Variants in MARCHF11 observed in about 807,000 individuals in gnomAD.
MARCHF11 encodes the protein membrane associated ring-CH-type finger 11.
MARCHF11 carries 29 observed loss-of-function variants against 37.3 expected under a neutral mutation model. The ratio of observed to expected loss-of-function variants is 0.78; its 90% CI spans 0.58 to 1.06. MARCHF11 has a LOEUF of 1.06. Ranked by LOEUF, MARCHF11 falls within the 50% of genes least tolerant of loss-of-function variation. The pLI is 0.00. For synonymous variants in MARCHF11, 233 were observed against 228.0 expected (o/e 1.02, Z -0.20); for missense variants, 482 against 533.4 (o/e 0.90, Z 0.95).
intron 3 of MARCHF11, among the ~76,000 whole-genome samples, chr5:16,090,090 T>C (rs1736767273): frequency 6.6e-6 from 1 of 152,134 alleles, no homozygotes; most frequent in Non-Finnish European, 1.5e-5. Context: ...AGCCTGTGCA[T>C]TTCTGCCACA....
At chr5:16,163,718 T>C (rs1394100640) in intron 2 of MARCHF11, among the ~76,000 whole-genome samples, 1 of 152,080 alleles carries the variant, frequency 6.6e-6, no homozygotes. Flanking sequence ...TAGAGTGCTA[T>C]GATTTGAATG....
intron 3 of MARCHF11, among the ~76,000 whole-genome samples, chr5:16,087,276 C>T (rs1736715564): frequency 6.6e-6 from 1 of 152,208 alleles, no homozygotes; most frequent in African/African-American, 2.4e-5. Context: ...TCAAACATGT[C>T]TCTCCTTTAT....
chr5:16,151,980 T>G (rs555994712), intron 2 of MARCHF11, among the ~76,000 whole-genome samples: 6 of 152,092 alleles, frequency 3.9e-5, no homozygotes, highest in African/African-American at 1.4e-4. Flanking sequence ...CTTTCCTAAT[T>G]TGGTTAGCTA....
chr5:16,085,230 A>T (rs1160250835), intron 3 of MARCHF11, among the ~76,000 whole-genome samples: 1 of 151,814 alleles, frequency 6.6e-6, no homozygotes, highest in Non-Finnish European at 1.5e-5. Flanking sequence ...TGATCCAAAA[A>T]CTCCTAAAGT....
rs1010835126 is a variant in MARCHF11, at chr5:16,067,437, A to G, written c.*34T>C. 9 of 1,583,094 alleles carry G rather than the reference A, an allele frequency of 5.7e-6. No homozygotes were observed. Among genetic ancestry groups the G allele is most frequent in the South Asian group, 1.1e-5 (1 of 88,474 alleles). On this transcript the variant is annotated 3_prime_UTR_variant, in exon 4 of 4. Coordinates refer to ENST00000332432, the MANE Select transcript of MARCHF11 (RefSeq NM_001102562.3). ...ACTGCAATTACATTGCAAAATGTGC[A>G]GGGTGGTCCACACTGCATCATCTTA...
At chr5:16,069,583 T>G (rs568021309) in intron 3 of MARCHF11, among the ~76,000 whole-genome samples, 1 of 151,866 alleles carries the variant, frequency 6.6e-6, no homozygotes, top group Non-Finnish European at 1.5e-5. Flanking sequence ...AGTAAGGAGG[T>G]CACCGCATTT....
At chr5:16,080,245 C>G (rs1480727239) in intron 3 of MARCHF11, among the ~76,000 whole-genome samples, 3 of 152,162 alleles carry the variant, frequency 2.0e-5, no homozygotes, top group East Asian at 1.9e-4. Context: ...CTTCACCTAA[C>G]CCTTGACAGA....
chr5:16,125,534 G>A (rs1737388804), intron 2 of MARCHF11, among the ~76,000 whole-genome samples: 1 of 152,028 alleles, frequency 6.6e-6, no homozygotes, highest in African/African-American at 2.4e-5. Flanking sequence ...CCCCAGGAAT[G>A]GACTTGGAGC....
chr5:16,122,886 G>T (rs1737335066), intron 2 of MARCHF11, among the ~76,000 whole-genome samples: 1 of 152,148 alleles, frequency 6.6e-6, no homozygotes, highest in African/African-American at 2.4e-5. Context: ...TACCTCCCCA[G>T]GAGCCACACT....
intron 2 of MARCHF11, among the ~76,000 whole-genome samples, chr5:16,118,977 C>T (rs1409453408): frequency 6.6e-6 from 1 of 152,148 alleles, no homozygotes; most frequent in African/African-American, 2.4e-5. Context: ...CTTGCTTTTT[C>T]TGCTCTATTT....
intron 2 of MARCHF11, among the ~76,000 whole-genome samples, chr5:16,115,313 C>T (rs1391360471): frequency 3.3e-5 from 5 of 152,178 alleles, no homozygotes; most frequent in Non-Finnish European, 1.5e-5. Flanking sequence ...CACTTCTGTG[C>T]GTCCGTGAAT....
intron 2 of MARCHF11, among the ~76,000 whole-genome samples, chr5:16,106,369 C>T (rs1453317827): frequency 5.3e-5 from 8 of 152,138 alleles, no homozygotes; most frequent in African/African-American, 1.4e-4. Context: ...CAATTTTCTC[C>T]CTGTAAATCC....
intron 2 of MARCHF11, among the ~76,000 whole-genome samples, chr5:16,093,756 A>C (rs183564276): frequency 6.6e-6 from 1 of 152,218 alleles, no homozygotes; most frequent in South Asian, 2.1e-4. Flanking sequence ...TTATGTCCGG[A>C]GGCAAGGAAA....
intron 2 of MARCHF11, among the ~76,000 whole-genome samples, chr5:16,133,016 G>C (rs1324524073): frequency 6.6e-6 from 1 of 151,926 alleles, no homozygotes; most frequent in East Asian, 1.9e-4. Context: ...TTTTAAAAAA[G>C]TTTATTTGAC....
intron 2 of MARCHF11, among the ~76,000 whole-genome samples, chr5:16,145,594 C>T (rs1737783863): frequency 6.6e-6 from 1 of 151,940 alleles, no homozygotes; most frequent in South Asian, 2.1e-4. Context: ...AAGAAAAAGT[C>T]CTTTTAGAAT....
chr5:16,103,613 G>T (rs2126565111), intron 2 of MARCHF11, among the ~76,000 whole-genome samples: 1 of 152,278 alleles, frequency 6.6e-6, no homozygotes, highest in East Asian at 1.9e-4. Flanking sequence ...CTTTTGCCAT[G>T]TGGCTCTTGC....
chr5:16,138,627 T>G (rs1737651086), intron 2 of MARCHF11, among the ~76,000 whole-genome samples: 1 of 152,138 alleles, frequency 6.6e-6, no homozygotes, highest in Non-Finnish European at 1.5e-5. Context: ...ATTGACAGTT[T>G]GCATCACATG....
chr5:16,067,726 G>A lies in MARCHF11; in HGVS notation c.954C>T (p.His318=). 6.2e-7 allele frequency: 1 copy of A among 1,613,888 alleles called. No homozygotes were observed. The highest frequency in any genetic ancestry group is 8.5e-7 in the Non-Finnish European group (1 of 1,179,852). ...VFKRWRAVNL[H]WDVLNYDKAT... ...CTTTGTCATAATTTAACACATCCCAGTGCAAATTCACAGCTCGCCAGCGCT... is the reference window on the plus strand; with the variant it reads ...CTTTGTCATAATTTAACACATCCCAATGCAAATTCACAGCTCGCCAGCGCT... The change falls in exon 4 of 4, where the codon CAC becomes CAT. Residue 318 remains histidine, a synonymous_variant. Transcript: ENST00000332432.
chr5:16,158,545 A>G (rs1560991703), intron 2 of MARCHF11, among the ~76,000 whole-genome samples: 1 of 151,976 alleles, frequency 6.6e-6, no homozygotes, highest in Non-Finnish European at 1.5e-5. Flanking sequence ...TATAAGTCAA[A>G]CACATGAAGC....
Sources: allele counts gnomAD v4.1 joint callset (sites outside exome capture counted in the v4.1 genomes callset), GRCh38; gene constraint gnomAD v4.1.1; transcripts MANE v1.5; gene names NCBI Gene and HGNC (gene_info 2026-07-23, HGNC 2026-07-21).